Variants in CRYBG1 observed in about 807,000 individuals in gnomAD.
The protein encoded by CRYBG1 is crystallin beta-gamma domain containing 1.
CRYBG1 carries 139 observed loss-of-function variants against 189.2 expected under a neutral mutation model. The ratio of observed to expected loss-of-function variants is 0.73; its 90% CI spans 0.64 to 0.85. The LOEUF (loss-of-function observed/expected upper bound fraction) is 0.85, where lower values mean the gene tolerates loss of function less well. Ranked by LOEUF, CRYBG1 falls within the 40% of genes least tolerant of loss-of-function variation. The probability of loss-of-function intolerance (pLI) is 0.00; values close to 1 mark genes in which losing one functional copy is unlikely to be tolerated. For missense variants in CRYBG1, 2,611 were observed against 2,675.8 expected (o/e 0.98, Z 0.53); for synonymous variants, 1,023 against 1,017.1 (o/e 1.01, Z -0.11).
intron 10 of CRYBG1, among the ~76,000 whole-genome samples, chr6:106,542,518 G>A (rs1774156343): frequency 1.3e-5 from 2 of 151,480 alleles, no homozygotes; most frequent in South Asian, 4.2e-4. Context: ...GAGCTCAAGT[G>A]ATCCTCCTGC....
Position 106,474,054 on chromosome 6 carries a change from G to C in CRYBG1, c.312+22222G>C, listed in dbSNP as rs540393868. Among the ~76,000 whole-genome samples the C allele has an allele frequency of 4.2e-5, 3 of 72,068 alleles. No homozygotes were observed. In the East Asian group the frequency reaches 1.4e-3, roughly 34 times the overall value. 47.3% of individuals were successfully genotyped at this position (72,068 alleles called of 152,430 possible). A position where few individuals can be genotyped will look rare whatever the true frequency, so the allele number is the denominator to read the frequency against. ...ATGACTCAGAAGCTAACTTAGAGTA[G>C]GATTGGAAAAACAAAAGAAACTATC... On this transcript the variant is annotated intron_variant, in intron 2 of 21. Transcript: ENST00000633556.
At chr6:106,383,652 G>A (rs1770329267) in intron 1 of CRYBG1, among the ~76,000 whole-genome samples, 2 of 152,236 alleles carry the variant, frequency 1.3e-5, no homozygotes, top group Non-Finnish European at 2.9e-5. Context: ...GTGCTGGTAT[G>A]AACAGATCGC....
intron 2 of CRYBG1, among the ~76,000 whole-genome samples, chr6:106,458,989 A>C (rs1290397877): frequency 6.6e-6 from 1 of 152,248 alleles, no homozygotes; most frequent in Non-Finnish European, 1.5e-5. Flanking sequence ...GGCATTAAAG[A>C]CTGGGACACT....
intron 8 of CRYBG1, among the ~76,000 whole-genome samples, chr6:106,531,138 G>A (rs1371323215): frequency 6.6e-6 from 1 of 152,152 alleles, no homozygotes; most frequent in East Asian, 1.9e-4. Context: ...TCTCTGCAGT[G>A]AACAATAAGG....
At chr6:106,517,323 TATATACAC>T (rs1186372396) in intron 3 of CRYBG1, among the ~76,000 whole-genome samples, 5 of 128,426 alleles carry the variant, frequency 3.9e-5, no homozygotes, top group African/African-American at 1.6e-4. Flanking sequence ...CACACATATA[TATATACAC>T]ATATATATAT....
intron 1 of CRYBG1, among the ~76,000 whole-genome samples, chr6:106,378,532 G>C (rs555719880): frequency 2.6e-5 from 4 of 152,156 alleles, no homozygotes; most frequent in South Asian, 2.1e-4. Flanking sequence ...GCTGCTACCA[G>C]GTTGCCCTCT....
intron 2 of CRYBG1, among the ~76,000 whole-genome samples, chr6:106,506,735 G>A (rs1427574932): frequency 6.6e-6 from 1 of 151,984 alleles, no homozygotes; most frequent in Non-Finnish European, 1.5e-5. Flanking sequence ...TTACAGGTGT[G>A]AGCCACTGCA....
chr6:106,526,739 C>T (rs749389855), intron 6 of CRYBG1, among the ~76,000 whole-genome samples: 7 of 151,794 alleles, frequency 4.6e-5, no homozygotes, highest in Non-Finnish European at 1.0e-4. Flanking sequence ...GCCAGGAGTT[C>T]GAGATCAGCA....
chr6:106,555,452 G>A (rs1340774825), intron 16 of CRYBG1, among the ~76,000 whole-genome samples: 3 of 152,252 alleles, frequency 2.0e-5, no homozygotes, highest in East Asian at 1.9e-4. Flanking sequence ...AAGGACTTGA[G>A]GGCTTGAAGC....
intron 1 of CRYBG1, among the ~76,000 whole-genome samples, chr6:106,440,881 AT>A (rs1308700440): frequency 6.6e-6 from 1 of 152,170 alleles, no homozygotes; most frequent in African/African-American, 2.4e-5. Context: ...AATAGACACT[AT>A]TTCTCACACC....
chr6:106,500,084 G>A lies in CRYBG1; in HGVS notation c.313-11346G>A, dbSNP rs551966237. Among the ~76,000 whole-genome samples the A allele has an allele frequency of 2.0e-4, 31 of 152,212 alleles. No homozygotes were observed. In the East Asian group the frequency reaches 4.3e-3, roughly 21 times the overall value. On this transcript the variant is annotated intron_variant, in intron 2 of 21. Coordinates refer to ENST00000633556, the MANE Select transcript of CRYBG1 (RefSeq NM_001371242.2). ...CATTCATCCACTGGTGGACACTTAG[G>A]TTGATTCCATATCTTGGCTATTGTG...
chr6:106,379,185 A>G (rs1582730451), intron 1 of CRYBG1, among the ~76,000 whole-genome samples: 1 of 152,256 alleles, frequency 6.6e-6, no homozygotes, highest in Non-Finnish European at 1.5e-5. Flanking sequence ...GAACAAAATG[A>G]TGTTGAAGTA....
At chr6:106,559,714 A>C (rs577157849) in intron 18 of CRYBG1, among the ~76,000 whole-genome samples, 58 of 151,172 alleles carry the variant, frequency 3.8e-4, no homozygotes, top group African/African-American at 1.4e-3. Flanking sequence ...TGAACCCAGG[A>C]GGTGGAGGTT....
At chr6:106,392,689 T>C (rs555981444) in intron 1 of CRYBG1, among the ~76,000 whole-genome samples, 1 of 152,324 alleles carries the variant, frequency 6.6e-6, no homozygotes, top group Non-Finnish European at 1.5e-5. Flanking sequence ...GACAATGAGA[T>C]CTTCCACGAA....
At chr6:106,363,207 G>A (rs956306476) in intron 1 of CRYBG1, among the ~76,000 whole-genome samples, 1 of 133,980 alleles carries the variant, frequency 7.5e-6, no homozygotes, top group African/African-American at 2.9e-5. Context: ...TCGCGCCACT[G>A]CACTCCAGCC....
chr6:106,526,117 C>T (rs1217031801), intron 6 of CRYBG1, among the ~76,000 whole-genome samples: 1 of 152,116 alleles, frequency 6.6e-6, no homozygotes, highest in Non-Finnish European at 1.5e-5. Context: ...CTTTTGGTGC[C>T]TACTTGTAAA....
chr6:106,508,446 G>A (rs921875492), intron 2 of CRYBG1, among the ~76,000 whole-genome samples: 1 of 152,078 alleles, frequency 6.6e-6, no homozygotes, highest in Non-Finnish European at 1.5e-5. Flanking sequence ...AACCCTCAAC[G>A]TTCCTTTGTG....
chr6:106,396,934 C>T (rs555787261), intron 1 of CRYBG1, among the ~76,000 whole-genome samples: 1 of 152,230 alleles, frequency 6.6e-6, no homozygotes, highest in African/African-American at 2.4e-5. Context: ...CCCGCCTTGG[C>T]CTCCCAAATT....
intron 2 of CRYBG1, among the ~76,000 whole-genome samples, chr6:106,504,413 CCTT>C (rs1317256678): frequency 6.6e-6 from 1 of 152,132 alleles, no homozygotes; most frequent in Non-Finnish European, 1.5e-5. Flanking sequence ...AGTCTTCACT[CCTT>C]CTAACAGCCC....
Sources: gnomAD v4.1 joint callset for allele counts (sites outside exome capture counted in the v4.1 genomes callset) on GRCh38, gnomAD v4.1.1 for gene constraint, MANE v1.5 for transcripts, NCBI Gene and HGNC (gene_info 2026-07-23, HGNC 2026-07-21) for gene names.